The following ANKHD1 variants were observed in gnomAD, a reference collection of about 807,000 sequenced individuals.
The protein encoded by ANKHD1 is ankyrin repeat and KH domain-containing protein 1.
ANKHD1 carries 31 observed loss-of-function variants against 230.5 expected under a neutral mutation model. That is an observed-to-expected ratio of 0.13 (90% CI 0.10 to 0.18). The LOEUF (loss-of-function observed/expected upper bound fraction) is 0.18, where lower values mean the gene tolerates loss of function less well. ANKHD1 is among the 10% of genes least tolerant of loss of function. ANKHD1 has a pLI of 1.00. For missense variants in ANKHD1, 2,256 were observed against 3,071.3 expected (o/e 0.73, Z 6.27); for synonymous variants, 1,074 against 1,117.6 (o/e 0.96, Z 0.78).
In ANKHD1 at chr5:140,497,195, G is replaced by C; in HGVS notation, c.2921G>C (p.Gly974Ala). 6.2e-7 allele frequency: 1 copy of C among 1,612,874 alleles called. No individual in the cohort carries two copies. The highest frequency in any genetic ancestry group is 8.5e-7 in the Non-Finnish European group (1 of 1,179,988). Residue 974 changes from glycine to alanine, a missense_variant, in exon 15 of 34, where the codon GGG (glycine) becomes GCG (alanine). Gly to Ala is a moderately conservative substitution (Grantham distance 60, BLOSUM62 0). Around this residue, in one of 13 missense-constraint regions of ANKHD1, gnomAD observed 358 missense variants for 397.7 expected, o/e 0.90. Coordinates refer to ENST00000360839, the MANE Select transcript of ANKHD1 (RefSeq NM_017747.3). ...ATTGCTATTACTGGACATGATCAGG[G>C]GCTGTTAGTTCAAGAACCAGATGGA... ...PQIAITGHDQ[G>A]LLVQEPDGLM... is the part of the protein sequence containing the mutation.
intron 24 of ANKHD1, among the ~76,000 whole-genome samples, chr5:140,520,467 GACAC>G (rs1416325111): frequency 1.3e-5 from 2 of 152,006 alleles, no homozygotes; most frequent in South Asian, 4.1e-4. Context: ...CTACTATAAA[GACAC>G]ATGCACACGT....
chr5:140,480,390 T>G (rs1751219384), intron 10 of ANKHD1, among the ~76,000 whole-genome samples: 1 of 152,132 alleles, frequency 6.6e-6, no homozygotes, highest in Non-Finnish European at 1.5e-5. Context: ...AATTAACAGT[T>G]ATTTTTTAAA....
In ANKHD1 at chr5:140,528,920, G is replaced by A. The variant is rs772955377; in HGVS notation, c.5974G>A (p.Ala1992Thr). The A allele has an allele frequency of 2.5e-6, 4 of 1,614,056 alleles. No individual in the cohort carries two copies. Among genetic ancestry groups the A allele is most frequent in the African/African-American group, 1.3e-5 (1 of 74,924 alleles). Reference protein sequence around the residue: ...TCSSLPSVSSAPITSGQAPTT... With the variant: ...TCSSLPSVSSTPITSGQAPTT... ...TAGTTCCCTGCCTTCTGTCTCCTCT[G>A]CACCTATCACTAGCGGGCAAGCTCC... Residue 1992 changes from alanine to threonine, a missense_variant, in exon 29 of 34, where the codon GCA becomes ACA. Physicochemically the swap from Ala to Thr is moderately conservative, Grantham distance 58. This residue lies in a region of ANKHD1 where 778 missense variants were observed against 966.5 expected (regional missense o/e 0.80). Coordinates refer to ENST00000360839, the MANE Select transcript of ANKHD1 (RefSeq NM_017747.3).
chr5:140,445,073 G>A (rs1581255149), intron 5 of ANKHD1, among the ~76,000 whole-genome samples: 1 of 151,666 alleles, frequency 6.6e-6, no homozygotes, highest in East Asian at 1.9e-4. Flanking sequence ...CAAACTCCTT[G>A]GTCTCAAACT....
chr5:140,528,176 TC>T lies in ANKHD1; in HGVS notation c.5238-5del. 6.4e-7 allele frequency: 1 copy of T among 1,557,538 alleles called. No individual in the cohort carries two copies. The highest frequency in any genetic ancestry group is 8.6e-7 in the Non-Finnish European group (1 of 1,158,524). On this transcript the variant is annotated splice_region_variant and splice_polypyrimidine_tract_variant and intron_variant, in intron 28 of 33. Coordinates refer to ENST00000360839, the MANE Select transcript of ANKHD1 (RefSeq NM_017747.3). Reference sequence around the variant, plus strand: ...TTGGTCTTGTTTCTGTTTTTTTTTTTCCCTTAGGGGTGGCACAGAATCAACA... The same window carrying T: ...TTGGTCTTGTTTCTGTTTTTTTTTTTCCTTAGGGGTGGCACAGAATCAACA...
Position 140,528,455 on chromosome 5 carries a change from A to G in ANKHD1, c.5509A>G (p.Thr1837Ala), listed in dbSNP as rs997050362. The G allele has an allele frequency of 1.2e-6, 2 of 1,614,044 alleles. No individual in the cohort carries two copies. The highest frequency in any genetic ancestry group is 1.7e-6 in the Non-Finnish European group (2 of 1,180,038). Residue 1837 changes from threonine (T) to alanine (A), a missense_variant, in exon 29 of 34, where the codon ACA (threonine) becomes GCA (alanine). By Grantham distance (58) the Thr-to-Ala change is moderately conservative (BLOSUM62 0). Around this residue, in one of 13 missense-constraint regions of ANKHD1, gnomAD observed 778 missense variants for 966.5 expected, o/e 0.80. Transcript: ENST00000360839. ...TAATAAACTTAATAAGAATGTTCCAACAAATGTACGTTCTTCTTTCCCAGT... is the reference window on the plus strand; with the variant it reads ...TAATAAACTTAATAAGAATGTTCCAGCAAATGTACGTTCTTCTTTCCCAGT... ...PANKLNKNVP[T>A]NVRSSFPVSL... is the part of the protein sequence containing the mutation.
rs746165322 is a variant in ANKHD1, at chr5:140,529,676, A to G, written c.6730A>G (p.Thr2244Ala). 2 of 1,614,176 alleles carry G rather than the reference A, an allele frequency of 1.2e-6. No homozygotes were observed. Among genetic ancestry groups the G allele is most frequent in the South Asian group, 2.2e-5 (2 of 91,090 alleles). Residue 2244 changes from threonine to alanine, a missense_variant, in exon 29 of 34, where the codon ACT becomes GCT. Coordinates refer to ENST00000360839, the MANE Select transcript of ANKHD1 (RefSeq NM_017747.3). ...SSRVATDASF[T>A]VQSAFLGNSV... ...ACGAGTTGCTACAGATGCCTCTTTC[A>G]CTGTTCAGTCAGCGTTCCTGGGTAA...
intron 1 of ANKHD1, among the ~76,000 whole-genome samples, chr5:140,417,900 C>T (rs1033850580): frequency 1.5e-5 from 2 of 136,738 alleles, no homozygotes; most frequent in African/African-American, 5.5e-5. Flanking sequence ...AGTGGAGTGG[C>T]ACAGTCTTGG....
At position 140,496,522 on chromosome 5, in the gene ANKHD1, A is replaced by G; in HGVS notation, c.2248A>G (p.Thr750Ala). ...SPALLGVQKG[T>A]SKQKSSSLQV... Reference sequence around the variant, plus strand: ...TCAAACATTTTTCATGTGCTTAGGTACATCCAAGCAGAAGTCCAGTTCCCT... The same window carrying G: ...TCAAACATTTTTCATGTGCTTAGGTGCATCCAAGCAGAAGTCCAGTTCCCT... The change falls in exon 15 of 34, where the codon ACA (threonine) becomes GCA (alanine). Residue 750 changes from threonine to alanine, a missense_variant and splice_region_variant. By Grantham distance (58) the Thr-to-Ala change is moderately conservative. This residue lies in a region of ANKHD1 where 358 missense variants were observed against 397.7 expected (regional missense o/e 0.90). Coordinates refer to ENST00000360839, the MANE Select transcript of ANKHD1 (RefSeq NM_017747.3). 2 of 1,530,514 alleles carry G rather than the reference A, an allele frequency of 1.3e-6. No homozygotes were observed. The highest frequency in any genetic ancestry group is 1.7e-6 in the Non-Finnish European group (2 of 1,147,648). The allele number at this position is 1,530,514 out of a possible 1,614,324, so 94.8% of individuals were successfully genotyped here.
In ANKHD1 at chr5:140,526,264, A is replaced by G. The variant is rs1414204534; in HGVS notation, c.4761A>G (p.Ala1587=). 1.2e-6 allele frequency: 2 copies of G among 1,614,226 alleles called. No individual in the cohort carries two copies. Among genetic ancestry groups the G allele is most frequent in the African/African-American group, 1.3e-5 (1 of 75,072 alleles). The change falls in exon 26 of 34, where the codon GCA becomes GCG. Residue 1587 remains alanine, a synonymous_variant. Transcript: ENST00000360839. ...KINGEPRGGG[A]GGNSDSDNLD... ...ATGGAGAACCTAGAGGTGGTGGTGCAGGTGGGAATAGTGATTCAGATAACT... is the reference window on the plus strand; with the variant it reads ...ATGGAGAACCTAGAGGTGGTGGTGCGGGTGGGAATAGTGATTCAGATAACT...
intron 1 of ANKHD1, among the ~76,000 whole-genome samples, chr5:140,415,888 T>C (rs955803854): frequency 6.6e-6 from 1 of 152,184 alleles, no homozygotes; most frequent in Non-Finnish European, 1.5e-5. Context: ...GCTGTACCCA[T>C]TAACTTGTCA....
In ANKHD1 at chr5:140,526,918, CTCT is replaced by C. The variant is rs1410744678; in HGVS notation, c.4941-5_4941-3del. ...ATCTTTTATTGTACTTGCTATTTGTCTCTTCTTAGACTTGAAGGTGAAGTGACT... is the reference window on the plus strand; with the variant it reads ...ATCTTTTATTGTACTTGCTATTTGTCTCTTAGACTTGAAGGTGAAGTGACT... On this transcript the variant is annotated splice_region_variant and splice_polypyrimidine_tract_variant and intron_variant, in intron 26 of 33. Coordinates refer to ENST00000360839, the MANE Select transcript of ANKHD1 (RefSeq NM_017747.3). The C allele has an allele frequency of 6.2e-7, 1 of 1,602,572 alleles. No homozygotes were observed. The highest frequency in any genetic ancestry group is 8.5e-7 in the Non-Finnish European group (1 of 1,176,296).
rs1259127169 is a variant in ANKHD1 at position 140,427,149 on chromosome 5, A to ACCC, written c.307-8949_307-8947dup. The stretch of plus-strand genomic sequence containing the variant: ...GGGCGGCTGGCCGGGCAGGGGGCTG[A>ACCC]CCCCCCCCACCTCCCTCCCGGACGG... On this transcript the variant is annotated intron_variant, in intron 1 of 33. Coordinates refer to ENST00000360839, the MANE Select transcript of ANKHD1 (RefSeq NM_017747.3). 2.8e-3 allele frequency among the ~76,000 whole-genome samples: 374 copies of ACCC among 131,408 alleles called. 3 individuals are homozygous for ACCC. The highest frequency in any genetic ancestry group is 0.011 in the African/African-American group (365 of 33,916). 86.2% of individuals were successfully genotyped at this position (131,408 alleles called of 152,430 possible). A position where few individuals can be genotyped will look rare whatever the true frequency, so the allele number is the denominator to read the frequency against.
At chr5:140,494,044 A>G (rs981958372) in intron 14 of ANKHD1, among the ~76,000 whole-genome samples, 4 of 152,228 alleles carry the variant, frequency 2.6e-5, no homozygotes, top group Non-Finnish European at 5.9e-5. Flanking sequence ...TTTTGAAACT[A>G]ATGGATGTTT....
chr5:140,479,980 A>AT (rs1751197755), intron 10 of ANKHD1, among the ~76,000 whole-genome samples: 1 of 149,540 alleles, frequency 6.7e-6, no homozygotes, highest in South Asian at 2.1e-4. Flanking sequence ...ATATATTATT[A>AT]TTTTTTTCTT....
chr5:140,510,819 G>A (rs1752733526), intron 22 of ANKHD1, among the ~76,000 whole-genome samples: 1 of 144,636 alleles, frequency 6.9e-6, no homozygotes, highest in Non-Finnish European at 1.5e-5. Flanking sequence ...TTCTGTGTGC[G>A]TGTGTGTGTG....
intron 7 of ANKHD1, among the ~76,000 whole-genome samples, chr5:140,456,429 C>CT (rs1775197908): frequency 6.6e-6 from 1 of 152,160 alleles, no homozygotes; most frequent in African/African-American, 2.4e-5. Context: ...AAGAACAAAG[C>CT]TGGAGACATC....
rs1414819918 is a variant in ANKHD1 at position 140,527,095 on chromosome 5, C to G, written c.5087+21C>G. On this transcript the variant is annotated intron_variant, in intron 27 of 33. Transcript: ENST00000360839. This position sits in a 1 kb window ranked among gnomAD's most constrained non-coding sequence, Gnocchi z 4.5. ...CGAAGGTAAATAGAATTAGTTCCATCTTTTTAGCTTTCATATATTTTCCCT... is the reference window on the plus strand; with the variant it reads ...CGAAGGTAAATAGAATTAGTTCCATGTTTTTAGCTTTCATATATTTTCCCT... 2 of 1,595,984 alleles carry G rather than the reference C, an allele frequency of 1.3e-6. No individual in the cohort carries two copies. Among genetic ancestry groups the G allele is most frequent in the Non-Finnish European group, 1.7e-6 (2 of 1,172,628 alleles).
In ANKHD1 at chr5:140,528,701, A is replaced by C. The variant is rs144792265; in HGVS notation, c.5755A>C (p.Thr1919Pro). 6.2e-7 allele frequency: 1 copy of C among 1,614,028 alleles called. No homozygotes were observed. Among genetic ancestry groups the C allele is most frequent in the African/African-American group, 1.3e-5 (1 of 74,926 alleles). ...NTSRLPNQNG[T>P]VLPSESAGLA... ...AAGCCGTCTACCTAACCAGAACGGG[A>C]CTGTTTTACCCTCAGAGTCTGCTGG... Residue 1919 changes from threonine to proline, a missense_variant, in exon 29 of 34, where the codon ACT becomes CCT. Transcript: ENST00000360839.
Sources: gnomAD v4.1 joint callset for allele counts (sites outside exome capture counted in the v4.1 genomes callset) on GRCh38, gnomAD v4.1.1 for gene constraint, gnomAD v4.1.1 regional missense constraint, Gnocchi (gnomAD v3.1) non-coding constraint, MANE v1.5 for transcripts, NCBI Gene and HGNC (gene_info 2026-07-23, HGNC 2026-07-21) for gene names.